The following PCDH15 variants were observed in gnomAD, a reference collection of about 807,000 sequenced individuals.
PCDH15 encodes the protein protocadherin-15.
A neutral mutation model predicts 178.5 loss-of-function variants in PCDH15; 129 were observed. The observed-to-expected ratio is 0.72, with a 90% CI of 0.63 to 0.84. PCDH15 has a LOEUF of 0.84. PCDH15 is among the 40% of genes least tolerant of loss of function. The probability of loss-of-function intolerance (pLI) is 0.00; values close to 1 mark genes in which losing one functional copy is unlikely to be tolerated. For synonymous variants in PCDH15, 800 were observed against 732.0 expected, an observed-to-expected ratio of 1.09 and a Z score of -1.50; for missense variants, 2,230 against 2,099.9, an observed-to-expected ratio of 1.06 and a Z score of -1.21.
At chr10:54,661,581 A>G (rs1053090979) in intron 2 of PCDH15, among the ~76,000 whole-genome samples, 2 of 151,960 alleles carry the variant, frequency 1.3e-5, no homozygotes, top group African/African-American at 4.8e-5. Flanking sequence ...CCAAAAAAAG[A>G]GCCTTAATAG....
At chr10:55,022,039 T>C (rs1840343587) in intron 2 of PCDH15, among the ~76,000 whole-genome samples, 1 of 152,050 alleles carries the variant, frequency 6.6e-6, no homozygotes, top group African/African-American at 2.4e-5. Flanking sequence ...GGGTGGTTAG[T>C]GGGGCAGGGG....
At chr10:55,006,446 A>C (rs1839929736) in intron 2 of PCDH15, among the ~76,000 whole-genome samples, 1 of 152,250 alleles carries the variant, frequency 6.6e-6, no homozygotes, top group South Asian at 2.1e-4. Context: ...GACATGTTTT[A>C]ACTTGGACAT....
At chr10:54,455,073 C>G (rs189679314) in intron 3 of PCDH15, among the ~76,000 whole-genome samples, 2 of 152,228 alleles carry the variant, frequency 1.3e-5, no homozygotes, top group Non-Finnish European at 2.9e-5. Context: ...CTTCTCCTTC[C>G]TGCTGCCATG....
intron 28 of PCDH15, among the ~76,000 whole-genome samples, chr10:53,844,877 CA>C (rs1257914142): frequency 1.3e-5 from 2 of 151,822 alleles, no homozygotes; most frequent in African/African-American, 4.8e-5. Context: ...CAAAAATAGG[CA>C]AATGGGATTA....
intron 3 of PCDH15, among the ~76,000 whole-genome samples, chr10:54,510,924 C>A (rs1463575624): frequency 6.6e-6 from 1 of 152,020 alleles, no homozygotes; most frequent in African/African-American, 2.4e-5. Context: ...AGAAGTGTAT[C>A]AGAAGTGGAA....
chr10:53,973,638 T>C (rs529552748), intron 21 of PCDH15, among the ~76,000 whole-genome samples: 4 of 152,266 alleles, frequency 2.6e-5, no homozygotes, highest in East Asian at 3.9e-4. Flanking sequence ...CAACCAAATA[T>C]AGTGTTCTCT....
At chr10:54,945,317 G>T (rs1170012337) in intron 2 of PCDH15, among the ~76,000 whole-genome samples, 1 of 137,620 alleles carries the variant, frequency 7.3e-6, no homozygotes, top group Non-Finnish European at 1.6e-5. Context: ...CAGATAGATG[G>T]ATGTATGGAT....
At chr10:55,087,337 G>A (rs1564786929) in intron 2 of PCDH15, among the ~76,000 whole-genome samples, 1 of 152,132 alleles carries the variant, frequency 6.6e-6, no homozygotes, top group African/African-American at 2.4e-5. Flanking sequence ...CTTCAAAGAT[G>A]TGTCTTCAAG....
At chr10:54,732,251 A>C (rs567149375) in intron 1 of PCDH15, among the ~76,000 whole-genome samples, 1 of 151,452 alleles carries the variant, frequency 6.6e-6, no homozygotes, top group East Asian at 2.0e-4. Flanking sequence ...GGGGCATATC[A>C]CATTAATAAA....
intron 3 of PCDH15, among the ~76,000 whole-genome samples, chr10:54,821,168 T>C (rs1953032599): frequency 1.3e-5 from 2 of 152,222 alleles, no homozygotes; most frequent in South Asian, 2.1e-4. Context: ...GTCTTTTTCA[T>C]GCTAATGCAA....
intron 2 of PCDH15, among the ~76,000 whole-genome samples, chr10:55,331,447 T>TA (rs992613487): frequency 1.3e-5 from 2 of 151,926 alleles, no homozygotes; most frequent in Non-Finnish European, 2.9e-5. Flanking sequence ...AGAATTGCTT[T>TA]AAAAAAAGGA....
At position 55,304,606 on chromosome 10, in the gene PCDH15, G is replaced by GA. The variant is rs201526302; in HGVS notation, c.-156+14992dup. ...CTGCTTTTATAAGTCCTTCAGAAAA[G>GA]AAAAAAAAGCATTGTTTTCAAATCC... is the stretch of plus-strand genomic sequence containing the variant. On this transcript the variant is annotated intron_variant, in intron 1 of 5. Transcript: ENST00000458638. 4.4e-3 allele frequency among the ~76,000 whole-genome samples: 667 copies of GA among 151,742 alleles called. 6 individuals are homozygous for GA. The highest frequency in any genetic ancestry group is 0.017 in the Middle Eastern group (5 of 294).
intron 3 of PCDH15, among the ~76,000 whole-genome samples, chr10:54,883,392 A>T (rs748563361): frequency 8.2e-4 from 125 of 152,166 alleles, no homozygotes; most frequent in Non-Finnish European, 1.5e-3. Flanking sequence ...GATCCTTTGA[A>T]TGAATGATTA....
chr10:55,135,574 C>CTTTTTTTTTTTT lies in PCDH15; in HGVS notation c.-80+30990_-80+31001dup, dbSNP rs56956557. Among the ~76,000 whole-genome samples, 17 of 68,220 alleles carry CTTTTTTTTTTTT rather than the reference C, an allele frequency of 2.5e-4. 2 individuals carry two copies. Among genetic ancestry groups the CTTTTTTTTTTTT allele is most frequent in the African/African-American group, 8.3e-4 (15 of 17,978 alleles). 44.8% of individuals were successfully genotyped at this position (68,220 alleles called of 152,430 possible). On this transcript the variant is annotated intron_variant, in intron 2 of 5. Coordinates refer to the PCDH15 transcript ENST00000458638. ...AGTTATAAAGCTTTTTCTTTTCTTT[C>CTTTTTTTTTTTT]TTTTTTTTTTTTTTTTTTTTTTTTT...
At chr10:54,928,760 G>A (rs1422287360) in intron 2 of PCDH15, among the ~76,000 whole-genome samples, 2 of 152,106 alleles carry the variant, frequency 1.3e-5, no homozygotes, top group African/African-American at 4.8e-5. Flanking sequence ...CTTGTAGTGT[G>A]TTTTTCTACT....
chr10:55,078,339 C>T (rs1235119017), intron 2 of PCDH15, among the ~76,000 whole-genome samples: 1 of 152,048 alleles, frequency 6.6e-6, no homozygotes, highest in Non-Finnish European at 1.5e-5. Context: ...TGCTTGGCCT[C>T]CTGTATCTGG....
At chr10:54,281,724 G>T (rs1423339223) in intron 8 of PCDH15, among the ~76,000 whole-genome samples, 1 of 151,804 alleles carries the variant, frequency 6.6e-6, no homozygotes, top group Non-Finnish European at 1.5e-5. Context: ...CTCTATACTA[G>T]GAAAGATAAT....
intron 20 of PCDH15, among the ~76,000 whole-genome samples, chr10:54,003,320 G>A (rs2092252117): frequency 6.6e-6 from 1 of 151,804 alleles, no homozygotes; most frequent in Non-Finnish European, 1.5e-5. Flanking sequence ...GAAACAGAAA[G>A]TTTGTTTTTT....
At chr10:54,549,534 T>C (rs970695586) in intron 2 of PCDH15, among the ~76,000 whole-genome samples, 1 of 151,974 alleles carries the variant, frequency 6.6e-6, no homozygotes, top group Non-Finnish European at 1.5e-5. Flanking sequence ...ATAGATTCTT[T>C]TGTAAAATTT....
Sources: gnomAD v4.1 joint callset for allele counts (sites outside exome capture counted in the v4.1 genomes callset) on GRCh38, gnomAD v4.1.1 for gene constraint, MANE v1.5 for transcripts, NCBI Gene and HGNC (gene_info 2026-07-23, HGNC 2026-07-21) for gene names.